Variants in FMNL2 observed in about 807,000 individuals in gnomAD.
FMNL2 encodes the protein formin-like protein 2.
Under a neutral mutation model 130.2 loss-of-function variants are expected in FMNL2, and 51 were observed. The ratio of observed to expected loss-of-function variants is 0.39; its 90% confidence interval spans 0.31 to 0.49. The LOEUF is 0.49. Ranked by LOEUF, FMNL2 falls within the 20% of genes least tolerant of loss-of-function variation. The probability of loss-of-function intolerance (pLI) is 0.85; values close to 1 mark genes in which losing one functional copy is unlikely to be tolerated. For synonymous variants in FMNL2, 465 were observed against 467.1 expected, an observed-to-expected ratio of 1.00 and a Z score of 0.06; for missense variants, 977 against 1,316.2, an observed-to-expected ratio of 0.74 and a Z score of 3.99.
Position 152,535,628 on chromosome 2 carries a change from CAG to C in FMNL2, c.202-7110_202-7109del, listed in dbSNP as rs561647913. Among the ~76,000 whole-genome samples, 282 of 152,254 alleles carry C rather than the reference CAG, an allele frequency of 1.9e-3. 3 individuals are homozygous for C. Among genetic ancestry groups the C allele is most frequent in the African/African-American group, 6.7e-3 (277 of 41,544 alleles). Reference sequence around the variant, plus strand: ...AAGTTTTCGTGTTAGTGCCTGGAAACAGGGGATCCAAACATGTTAGTAAGATT... The same window carrying C: ...AAGTTTTCGTGTTAGTGCCTGGAAACGGGATCCAAACATGTTAGTAAGATT... On this transcript the variant is annotated intron_variant, in intron 2 of 25. Transcript: ENST00000288670.
intron 1 of FMNL2, among the ~76,000 whole-genome samples, chr2:152,361,034 G>C (rs372927462): frequency 3.9e-5 from 6 of 152,038 alleles, no homozygotes; most frequent in African/African-American, 1.2e-4. Context: ...TAAACAGTGG[G>C]GAATAATTAA....
At chr2:152,350,548 C>T (rs1039332477) in intron 1 of FMNL2, among the ~76,000 whole-genome samples, 2 of 152,164 alleles carry the variant, frequency 1.3e-5, no homozygotes, top group African/African-American at 4.8e-5. Context: ...GCCCTAAATG[C>T]AGGCACTCTG....
At chr2:152,382,626 A>T (rs1579530090) in intron 1 of FMNL2, among the ~76,000 whole-genome samples, 1 of 152,178 alleles carries the variant, frequency 6.6e-6, no homozygotes, top group Non-Finnish European at 1.5e-5. Flanking sequence ...ATGAGAGTAG[A>T]TCTCAAGTGG....
At chr2:152,355,199 T>C (rs1682714991) in intron 1 of FMNL2, among the ~76,000 whole-genome samples, 1 of 152,226 alleles carries the variant, frequency 6.6e-6, no homozygotes, top group Non-Finnish European at 1.5e-5. Flanking sequence ...GTTACTCTAA[T>C]GCTCATGATG....
intron 1 of FMNL2, among the ~76,000 whole-genome samples, chr2:152,480,156 T>A (rs1336299800): frequency 6.6e-6 from 1 of 152,146 alleles, no homozygotes; most frequent in Non-Finnish European, 1.5e-5. Context: ...CAGACCTGAT[T>A]CTTAGCCTTA....
chr2:152,512,986 T>G (rs7593411), intron 1 of FMNL2, among the ~76,000 whole-genome samples: 129,977 of 152,232 alleles, frequency 0.85, 56,034 homozygotes, highest in Admixed American at 0.92. Flanking sequence ...CCCTCCAACA[T>G]ATGTAAGTGA....
At chr2:152,336,570 T>C (rs1177899747) in intron 1 of FMNL2, among the ~76,000 whole-genome samples, 1 of 152,072 alleles carries the variant, frequency 6.6e-6, no homozygotes, top group African/African-American at 2.4e-5. Flanking sequence ...CTCCCCTCTT[T>C]CTCCCTTTCC....
At chr2:152,385,949 C>T in intron 1 of FMNL2, among the ~76,000 whole-genome samples, 1 of 152,116 alleles carries the variant, frequency 6.6e-6, no homozygotes, top group East Asian at 1.9e-4. Flanking sequence ...ATCTTTCTTT[C>T]ACCTCTCCTG....
rs778864158 is a variant in FMNL2 at position 152,619,543 on chromosome 2, G to GCCA, written c.1664_1665insACC (p.Pro573dup). On this transcript the variant is annotated inframe_insertion, in exon 15 of 26. Coordinates refer to ENST00000288670, the MANE Select transcript of FMNL2 (RefSeq NM_052905.4). The stretch of plus-strand genomic sequence containing the variant: ...GTCCAGTAACACCACCTATGCCACC[G>GCCA]CCGCCGCCGCCCCCTCCTCCACCTC... 7.9e-6 allele frequency: 11 copies of GCCA among 1,394,250 alleles called. No homozygotes were observed. Among genetic ancestry groups the GCCA allele is most frequent in the Middle Eastern group, 2.4e-4 (1 of 4,168 alleles). 86.4% of individuals were successfully genotyped at this position (1,394,250 alleles called of 1,614,324 possible).
chr2:152,598,854 G>A (rs1194400671), intron 9 of FMNL2, among the ~76,000 whole-genome samples: 3 of 152,228 alleles, frequency 2.0e-5, no homozygotes, highest in Admixed American at 6.5e-5. Context: ...AATTGCTCAC[G>A]TGGTTATGGA....
chr2:152,464,106 A>AT (rs1018860401), intron 1 of FMNL2, among the ~76,000 whole-genome samples: 25 of 151,640 alleles, frequency 1.6e-4, no homozygotes, highest in South Asian at 1.0e-3. Context: ...CTAATTTTTT[A>AT]TTTTTTTTGG....
intron 6 of FMNL2, among the ~76,000 whole-genome samples, chr2:152,572,897 A>T (rs1696259029): frequency 6.6e-6 from 1 of 152,096 alleles, no homozygotes; most frequent in South Asian, 2.1e-4. Flanking sequence ...AATATGCATG[A>T]TGAAGAATTG....
chr2:152,620,864 G>C (rs956757600), intron 15 of FMNL2: 2 of 914,634 alleles, frequency 2.2e-6, no homozygotes, highest in African/African-American at 3.6e-5. Flanking sequence ...ATATAAAACT[G>C]TCAGGGAAAC....
At position 152,377,089 on chromosome 2, in the gene FMNL2, C is replaced by T. The variant is rs373494768; in HGVS notation, c.117+41369C>T. Among the ~76,000 whole-genome samples the T allele has an allele frequency of 1.1e-4, 16 of 152,336 alleles. No individual in the cohort carries two copies. The East Asian group carries it at 3.1e-3, about 29-fold the overall frequency. On this transcript the variant is annotated intron_variant, in intron 1 of 25. Transcript: ENST00000288670. The stretch of plus-strand genomic sequence containing the variant: ...GTTACTGAATAGGAATAGTGATGAC[C>T]ACTTGTCAGAATTGTGGCAGGGATG...
At chr2:152,626,341 T>C (rs963448340) in intron 16 of FMNL2, among the ~76,000 whole-genome samples, 184 bp from the exon 17 acceptor site, 12 of 152,208 alleles carry the variant, frequency 7.9e-5, no homozygotes, top group Non-Finnish European at 1.8e-4. Context: ...CCGACCTATG[T>C]TCACTTTTGT....
At chr2:152,464,964 C>CACT (rs1689445279) in intron 1 of FMNL2, among the ~76,000 whole-genome samples, 1 of 152,078 alleles carries the variant, frequency 6.6e-6, no homozygotes, top group South Asian at 2.1e-4. Flanking sequence ...CTCTGCTAGG[C>CACT]ACGAGATGTA....
chr2:152,431,965 T>TAAAAAAAAAAAAAAAAAA lies in FMNL2; in HGVS notation c.118-89975_118-89958dup, dbSNP rs60639670. On this transcript the variant is annotated intron_variant, in intron 1 of 25. Transcript: ENST00000288670. ...GGGCAACAGAGTGAAACCCTATCTT[T>TAAAAAAAAAAAAAAAAAA]AAAAAAAAAAAAAAAAAAAAGATTT... Among the ~76,000 whole-genome samples the TAAAAAAAAAAAAAAAAAA allele has an allele frequency of 5.7e-4, 47 of 82,132 alleles. 2 individuals carry two copies. Among genetic ancestry groups the TAAAAAAAAAAAAAAAAAA allele is most frequent in the African/African-American group, 2.9e-3 (45 of 15,610 alleles). 53.9% of individuals were successfully genotyped at this position (82,132 alleles called of 152,430 possible).
chr2:152,407,985 G>A (rs900298386), intron 1 of FMNL2, among the ~76,000 whole-genome samples: 3 of 152,172 alleles, frequency 2.0e-5, no homozygotes, highest in African/African-American at 7.2e-5. Flanking sequence ...TGTGAAAGAC[G>A]AGAATTAGCT....
chr2:152,598,719 A>G (rs925949512), intron 9 of FMNL2, among the ~76,000 whole-genome samples: 4 of 152,190 alleles, frequency 2.6e-5, no homozygotes, highest in Non-Finnish European at 4.4e-5. Flanking sequence ...ATCATTCTTT[A>G]TTGAAGAAAT....
Sources: allele counts gnomAD v4.1 joint callset (sites outside exome capture counted in the v4.1 genomes callset), GRCh38; gene constraint gnomAD v4.1.1; transcripts MANE v1.5; gene names NCBI Gene and HGNC (gene_info 2026-07-23, HGNC 2026-07-21).